PPL: variants seen among roughly 807,000 people sequenced by gnomAD.
The protein encoded by PPL is periplakin, also known as 190 kDa paraneoplastic pemphigus antigen.
Under a neutral mutation model 194.4 loss-of-function variants are expected in PPL, and 198 were observed. The observed-to-expected ratio is 1.02, with a 90% CI of 0.91 to 1.15. The LOEUF (loss-of-function observed/expected upper bound fraction) is 1.15, where lower values mean the gene tolerates loss of function less well. Ranked by LOEUF, PPL falls within the 50% of genes most tolerant of loss-of-function variation. PPL has a pLI of 0.00. For synonymous variants in PPL, 1,220 were observed against 972.4 expected (o/e 1.25, Z -4.74); for missense variants, 2,885 against 2,294.8 (o/e 1.26, Z -5.25).
chr16:4,924,557 C>T (rs953458826), intron 1 of PPL, among the ~76,000 whole-genome samples: 12 of 152,192 alleles, frequency 7.9e-5, no homozygotes, highest in South Asian at 2.1e-4. Context: ...CTTTGAACCC[C>T]GTGACTCCTC....
rs1250405193 is a variant in PPL, at chr16:4,902,500, G to T, written c.344C>A (p.Thr115Asn). 1 of 1,613,734 alleles carries T rather than the reference G, an allele frequency of 6.2e-7. No individual in the cohort carries two copies. Residue 115 changes from threonine to asparagine, a missense_variant, in exon 4 of 22, where the codon ACC becomes AAC. Thr to Asn is a moderately conservative substitution (Grantham distance 65, BLOSUM62 0). Transcript: ENST00000345988. This position sits in a 1 kb window ranked among gnomAD's most constrained non-coding sequence, Gnocchi z 4.0. Reference protein sequence around the residue: ...EDIRQLKERVTNLRGKHKQIY... With the variant: ...EDIRQLKERVNNLRGKHKQIY... ...CTGCTTGTGTTTCCCGCGCAGGTTG[G>T]TCACACGCTCCTTCAGCTGGCGGAT...
intron 1 of PPL, among the ~76,000 whole-genome samples, chr16:4,932,058 G>C (rs1414459908): frequency 6.6e-6 from 1 of 152,198 alleles, no homozygotes; most frequent in Non-Finnish European, 1.5e-5. Context: ...CACAGTTGCT[G>C]CCAGATCCAG....
intron 9 of PPL, among the ~76,000 whole-genome samples, chr16:4,897,294 G>T (rs1252554755): frequency 1.6e-5 from 2 of 123,662 alleles, no homozygotes; most frequent in Admixed American, 1.0e-4. Context: ...GAGATGGCAC[G>T]ACTGCACTCC....
At chr16:4,908,023 G>A (rs987430562) in intron 2 of PPL, among the ~76,000 whole-genome samples, 39 of 151,998 alleles carry the variant, frequency 2.6e-4, no homozygotes, top group East Asian at 3.9e-4. Flanking sequence ...TTAGCTGGGC[G>A]TGGTGGTGCC....
At position 4,889,070 on chromosome 16, in the gene PPL, C is replaced by CAA; in HGVS notation, c.2314-10_2314-9insTT. On this transcript the variant is annotated splice_polypyrimidine_tract_variant and intron_variant, in intron 18 of 21. Coordinates refer to ENST00000345988, the MANE Select transcript of PPL (RefSeq NM_002705.5). ...ATCTCATCTAGCAGGTTCTGTAAGA[C>CAA]AGAGTTTAAAAATCAAAACTAACCA... The CAA allele has an allele frequency of 1.2e-6, 2 of 1,612,516 alleles. No homozygotes were observed. The highest frequency in any genetic ancestry group is 1.7e-6 in the Non-Finnish European group (2 of 1,179,144).
intron 1 of PPL, among the ~76,000 whole-genome samples, chr16:4,911,451 C>T (rs1045716202): frequency 5.3e-5 from 8 of 151,962 alleles, no homozygotes; most frequent in Non-Finnish European, 8.8e-5. Context: ...CGTGAGCCAC[C>T]GCGCCCGCCC....
intron 1 of PPL, among the ~76,000 whole-genome samples, chr16:4,923,208 G>A (rs1196118833): frequency 2.0e-5 from 3 of 152,176 alleles, no homozygotes; most frequent in Non-Finnish European, 4.4e-5. Flanking sequence ...CCCTCCACTG[G>A]TTCTACCTGG....
intron 1 of PPL, among the ~76,000 whole-genome samples, chr16:4,912,169 A>G (rs766558636): frequency 6.6e-6 from 1 of 152,182 alleles, no homozygotes; most frequent in Non-Finnish European, 1.5e-5. Context: ...AGACATTTTT[A>G]TCACCCCAAA....
In PPL at chr16:4,897,768, C is replaced by T. The variant is rs752651635; in HGVS notation, c.879G>A (p.Ala293=). ...AEHPGRNSIE[A]HMEAVHADWK... is the part of the protein sequence containing the mutation. The stretch of plus-strand genomic sequence containing the variant: ...AGTCTGCGTGCACAGCCTCCATGTG[C>T]GCCTGCCAGGAAGAGAAGGGGCCGG... The change falls in exon 9 of 22, where the codon GCG becomes GCA. Residue 293 remains alanine (A), a splice_region_variant and synonymous_variant. Coordinates refer to ENST00000345988, the MANE Select transcript of PPL (RefSeq NM_002705.5). The T allele has an allele frequency of 2.4e-5, 39 of 1,613,198 alleles. No homozygotes were observed. Among genetic ancestry groups the T allele is most frequent in the Middle Eastern group, 3.4e-4 (2 of 5,860 alleles).
intron 2 of PPL, 103 bp from the exon 3 acceptor site, chr16:4,904,143 T>C (rs2088635037): frequency 3.2e-6 from 4 of 1,257,620 alleles, no homozygotes; most frequent in South Asian, 1.4e-5. Context: ...GCTCCCCTTC[T>C]TTCCCTTTGA....
intron 20 of PPL, among the ~76,000 whole-genome samples, chr16:4,887,509 C>T (rs1370160777): frequency 6.6e-6 from 1 of 152,172 alleles, no homozygotes; most frequent in African/African-American, 2.4e-5. Context: ...GTACAGGAGA[C>T]TAATATCAGC....
intron 1 of PPL, among the ~76,000 whole-genome samples, chr16:4,921,758 T>C (rs2089055289): frequency 6.6e-6 from 1 of 152,096 alleles, no homozygotes; most frequent in South Asian, 2.1e-4. Flanking sequence ...TGTACCACTG[T>C]GCCTGGCCCC....
chr16:4,894,720 G>A, intron 11 of PPL, 102 bp from the exon 12 acceptor site: 3 of 1,375,866 alleles, frequency 2.2e-6, no homozygotes, highest in Non-Finnish European at 3.0e-6. Context: ...GGGAGCCCCG[G>A]CTCATCACTT....
chr16:4,926,470 C>T (rs1016088683), intron 1 of PPL, among the ~76,000 whole-genome samples: 3 of 152,096 alleles, frequency 2.0e-5, no homozygotes, highest in Non-Finnish European at 4.4e-5. Flanking sequence ...TTATGTAAGG[C>T]CTGGAATTAA....
intron 1 of PPL, among the ~76,000 whole-genome samples, chr16:4,922,940 G>A (rs1460513287): frequency 3.9e-5 from 6 of 152,126 alleles, no homozygotes; most frequent in Admixed American, 6.5e-5. Context: ...ATGAGGTGTC[G>A]GGAGGACAGG....
intron 6 of PPL, 137 bp downstream of exon 6, chr16:4,900,693 C>G: frequency 8.3e-7 from 1 of 1,207,656 alleles, no homozygotes; most frequent in Non-Finnish European, 1.2e-6. Context: ...CTGCCTCTGC[C>G]TCCCAAAGTG....
chr16:4,912,932 C>A (rs2088848022), intron 1 of PPL, among the ~76,000 whole-genome samples: 1 of 152,060 alleles, frequency 6.6e-6, no homozygotes, highest in African/African-American at 2.4e-5. Flanking sequence ...GGTGAAACCC[C>A]ATCTCTACTA....
In PPL at chr16:4,885,404, C is replaced by A. The variant is rs999674670; in HGVS notation, c.3251G>T (p.Arg1084Met). The A allele has an allele frequency of 6.2e-7, 1 of 1,612,772 alleles. No homozygotes were observed. Among genetic ancestry groups the A allele is most frequent in the African/African-American group, 1.3e-5 (1 of 74,900 alleles). Reference sequence around the variant, plus strand: ...GCTCAGCTCCTCCTCCTGCTTCTCCCTGAGCTGGTCCTGGCGCTGGTGGTC... The same window carrying A: ...GCTCAGCTCCTCCTCCTGCTTCTCCATGAGCTGGTCCTGGCGCTGGTGGTC... ...QEDHQRQDQL[R>M]EKQEEELSFL... is the part of the protein sequence containing the mutation. Residue 1084 changes from arginine to methionine, a missense_variant, in exon 22 of 22, where the codon AGG (arginine) becomes ATG (methionine). Transcript: ENST00000345988. The surrounding 1 kb of genome is among the most constrained non-coding windows in gnomAD (Gnocchi z 6.3).
intron 1 of PPL, among the ~76,000 whole-genome samples, chr16:4,917,174 AT>A (rs2088938136): frequency 6.6e-6 from 1 of 152,124 alleles, no homozygotes; most frequent in South Asian, 2.1e-4. Context: ...AAACAAAAAA[AT>A]CTATGCCTGC....
Sources: gnomAD v4.1 joint callset for allele counts (sites outside exome capture counted in the v4.1 genomes callset) on GRCh38, gnomAD v4.1.1 for gene constraint, Gnocchi (gnomAD v3.1) non-coding constraint, MANE v1.5 for transcripts, NCBI Gene and HGNC (gene_info 2026-07-23, HGNC 2026-07-21) for gene names.